ABTB2: variants seen among roughly 807,000 people sequenced by gnomAD.
ABTB2 encodes ankyrin repeat and BTB domain containing 2.
A neutral mutation model predicts 104.1 loss-of-function variants in ABTB2; 56 were observed. The ratio of observed to expected loss-of-function variants is 0.54; its 90% CI spans 0.43 to 0.67. The LOEUF is 0.67. Among genes scored for constraint, ABTB2 ranks in the 30% least tolerant of loss-of-function variants. The pLI is 0.00. For synonymous variants in ABTB2, 606 were observed against 608.2 expected, an observed-to-expected ratio of 1.00 and a Z score of 0.05; for missense variants, 1,279 against 1,407.7, an observed-to-expected ratio of 0.91 and a Z score of 1.46.
At chr11:34,289,723 C>T (rs1854545434) in intron 1 of ABTB2, among the ~76,000 whole-genome samples, 1 of 152,194 alleles carries the variant, frequency 6.6e-6, no homozygotes, top group South Asian at 2.1e-4. Flanking sequence ...ATGAGACACC[C>T]TCCGAGGCAG....
chr11:34,215,160 A>C (rs889981743), intron 1 of ABTB2, among the ~76,000 whole-genome samples: 2 of 152,150 alleles, frequency 1.3e-5, no homozygotes, highest in Non-Finnish European at 2.9e-5. Flanking sequence ...CCGAATCACC[A>C]CTGGTGGGAT....
chr11:34,307,373 C>T (rs1330403404), intron 1 of ABTB2, among the ~76,000 whole-genome samples: 1 of 152,228 alleles, frequency 6.6e-6, no homozygotes, highest in Non-Finnish European at 1.5e-5. Context: ...TTTATCCCTA[C>T]ATCTTCCCCC....
At chr11:34,161,178 C>T (rs1165383608) in intron 10 of ABTB2, 97 bp from the exon 11 acceptor site, 2 of 1,314,492 alleles carry the variant, frequency 1.5e-6, no homozygotes, top group African/African-American at 1.5e-5. Context: ...TCGGGATGCC[C>T]CCGCTGTCTG....
intron 1 of ABTB2, among the ~76,000 whole-genome samples, chr11:34,343,260 A>T (rs1855285124): frequency 6.6e-6 from 1 of 152,160 alleles, no homozygotes; most frequent in South Asian, 2.1e-4. Context: ...TGGCTGTGAA[A>T]TGAAGGAAAG....
At chr11:34,277,724 G>C (rs1330998470) in intron 1 of ABTB2, among the ~76,000 whole-genome samples, 1 of 150,716 alleles carries the variant, frequency 6.6e-6, no homozygotes, top group African/African-American at 2.4e-5. Context: ...AGCTTATAAT[G>C]AGCACTGCAC....
chr11:34,277,083 G>A (rs1379092886), intron 1 of ABTB2, among the ~76,000 whole-genome samples: 2 of 152,072 alleles, frequency 1.3e-5, no homozygotes, highest in South Asian at 4.1e-4. Flanking sequence ...TGTATTTTTT[G>A]TAGAAACAGG....
At chr11:34,268,897 C>A (rs1272732129) in intron 1 of ABTB2, among the ~76,000 whole-genome samples, 1 of 152,294 alleles carries the variant, frequency 6.6e-6, no homozygotes, top group South Asian at 2.1e-4. Context: ...GGGGACCCAC[C>A]CTACCCAGTG....
intron 1 of ABTB2, among the ~76,000 whole-genome samples, chr11:34,236,622 C>T (rs1223774986): frequency 6.6e-6 from 1 of 152,190 alleles, no homozygotes; most frequent in East Asian, 1.9e-4. Context: ...CTCCGGGAGG[C>T]CTCAGGGCCC....
At chr11:34,355,870 G>A (rs1367171903) in intron 1 of ABTB2, among the ~76,000 whole-genome samples, 1 of 152,186 alleles carries the variant, frequency 6.6e-6, no homozygotes, top group African/African-American at 2.4e-5. Flanking sequence ...CTTCAGGGAA[G>A]TGCAACCACC....
At chr11:34,231,359 C>A (rs1380609861) in intron 1 of ABTB2, among the ~76,000 whole-genome samples, 3 of 152,044 alleles carry the variant, frequency 2.0e-5, no homozygotes, top group Non-Finnish European at 2.9e-5. Context: ...TTAATAGATA[C>A]CACCCTCCCC....
rs1855178717 is a variant in ABTB2 at position 34,335,181 on chromosome 11, A to G, written c.883+21520T>C. 3.9e-6 allele frequency: 5 copies of G among 1,268,160 alleles called. 1 individual carries two copies. Among genetic ancestry groups the G allele is most frequent in the Middle Eastern group, 1.8e-4 (1 of 5,408 alleles). The allele number at this position is 1,268,160 out of a possible 1,614,324, so 78.6% of individuals were successfully genotyped here. ...TGCATTAGTGAAGATGCTTCCTACAACTACACGGGTACCCCAGAGACTATG... is the reference window on the plus strand; with the variant it reads ...TGCATTAGTGAAGATGCTTCCTACAGCTACACGGGTACCCCAGAGACTATG... On this transcript the variant is annotated intron_variant, in intron 1 of 16. Transcript: ENST00000435224.
intron 1 of ABTB2, among the ~76,000 whole-genome samples, chr11:34,308,925 CTG>C (rs765880571): frequency 1.4e-5 from 2 of 138,100 alleles, no homozygotes; most frequent in South Asian, 2.4e-4. Context: ...AAACAGGAAA[CTG>C]TGTGAAATGC....
chr11:34,250,920 GT>G lies in ABTB2; in HGVS notation c.884-46231del, dbSNP rs200968262. ...TATGAGAAAACCGAGGTTCAGAGAG[GT>G]TAAGTAACTTGCCCAAGGAAGCACA... On this transcript the variant is annotated intron_variant, in intron 1 of 16. Coordinates refer to ENST00000435224, the MANE Select transcript of ABTB2 (RefSeq NM_145804.3). Among the ~76,000 whole-genome samples, 637 of 152,336 alleles carry G rather than the reference GT, an allele frequency of 4.2e-3. 3 individuals are homozygous for G. The highest frequency in any genetic ancestry group is 0.041 in the Middle Eastern group (12 of 294).
chr11:34,153,375 G>C (rs778281706), intron 16 of ABTB2, among the ~76,000 whole-genome samples: 7 of 152,022 alleles, frequency 4.6e-5, no homozygotes, highest in African/African-American at 1.7e-4. Flanking sequence ...TACTTTTTTG[G>C]GGGGCGGGGG....
rs1925368 is a variant in ABTB2, at chr11:34,356,834, G to A, written c.750C>T (p.His250=). 6.2e-7 allele frequency: 1 copy of A among 1,605,460 alleles called. No individual in the cohort carries two copies. Among genetic ancestry groups the A allele is most frequent in the Non-Finnish European group, 8.5e-7 (1 of 1,176,102 alleles). Residue 250 remains histidine, a synonymous_variant, in exon 1 of 17, where the codon CAC becomes CAT. Transcript: ENST00000435224. The surrounding 1 kb of genome is among the most constrained non-coding windows in gnomAD (Gnocchi z 4.6). ...CTCCGGCCCCTCCGCCATCAGGGCT[G>A]TGGCTGGCCATCACCCTGGCCCGGA... The part of the protein sequence containing the change: ...EEIRARVMAS[H]SPDGGGAGGG...
intron 1 of ABTB2, among the ~76,000 whole-genome samples, chr11:34,270,167 T>C (rs1854296825): frequency 6.6e-6 from 1 of 152,144 alleles, no homozygotes; most frequent in Admixed American, 6.6e-5. Context: ...AGTCAGGGTG[T>C]TGATGCAGGG....
chr11:34,320,037 C>A (rs886868153), intron 1 of ABTB2, among the ~76,000 whole-genome samples: 1 of 152,206 alleles, frequency 6.6e-6, no homozygotes, highest in African/African-American at 2.4e-5. Flanking sequence ...GGCGTGACCA[C>A]CGTGCCTGGC....
chr11:34,286,653 T>G (rs1432178882), intron 1 of ABTB2, among the ~76,000 whole-genome samples: 2 of 152,150 alleles, frequency 1.3e-5, no homozygotes, highest in Non-Finnish European at 2.9e-5. Context: ...AGCACCCTTC[T>G]TCCAGCATCC....
At chr11:34,210,222 T>C (rs1036531061) in intron 1 of ABTB2, among the ~76,000 whole-genome samples, 5 of 152,156 alleles carry the variant, frequency 3.3e-5, no homozygotes, top group Admixed American at 3.3e-4. Flanking sequence ...ACCACGGGGG[T>C]GGAATCTATG....
Sources: allele counts gnomAD v4.1 joint callset (sites outside exome capture counted in the v4.1 genomes callset), GRCh38; gene constraint gnomAD v4.1.1; non-coding constraint Gnocchi (gnomAD v3.1); transcripts MANE v1.5; gene names NCBI Gene and HGNC (gene_info 2026-07-23, HGNC 2026-07-21).